Variants in DYNC1H1 observed in about 807,000 individuals in gnomAD.
DYNC1H1 encodes the protein cytoplasmic dynein 1 heavy chain 1.
DYNC1H1 carries 51 observed loss-of-function variants against 527.1 expected under a neutral mutation model. The observed-to-expected ratio is 0.10, with a 90% CI of 0.08 to 0.12. The LOEUF (loss-of-function observed/expected upper bound fraction) is 0.12, where lower values mean the gene tolerates loss of function less well. Among genes scored for constraint, DYNC1H1 ranks in the 10% least tolerant of loss-of-function variants. DYNC1H1 has a pLI of 1.00. For synonymous variants in DYNC1H1, 2,189 were observed against 2,278.8 expected (o/e 0.96, Z 1.12); for missense variants, 2,771 against 5,971.8 (o/e 0.46, Z 17.66).
intron 4 of DYNC1H1, 41 bp downstream of exon 4, chr14:101,980,015 C>G (rs369693162): frequency 1.2e-6 from 2 of 1,613,200 alleles, no homozygotes; most frequent in African/African-American, 1.3e-5. Flanking sequence ...ATATGTTACT[C>G]TTTAATATCT....
rs200893908 is a variant in DYNC1H1, at chr14:102,042,331, G to A, written c.12275+43G>A. The A allele has an allele frequency of 9.9e-5, 159 of 1,614,166 alleles. No homozygotes were observed. The highest frequency in any genetic ancestry group is 1.3e-4 in the Non-Finnish European group (149 of 1,180,028). On this transcript the variant is annotated intron_variant, in intron 67 of 77. Coordinates refer to ENST00000360184, the MANE Select transcript of DYNC1H1 (RefSeq NM_001376.5). The surrounding 1 kb of genome is among the most constrained non-coding windows in gnomAD (Gnocchi z 5.7). ...GGCTGAAGAAAGCCTTAGTCCCCAG[G>A]CATTCAGGCAGGCAGCCTGGCATGC...
At chr14:101,995,329 T>C (rs761778006) in intron 15 of DYNC1H1, 29 bp downstream of exon 15, 1 of 1,613,050 alleles carries the variant, frequency 6.2e-7, no homozygotes, top group Non-Finnish European at 8.5e-7. Context: ...TAAAAATTTT[T>C]GGCTGGGCGT....
Position 102,027,122 on chromosome 14 carries a change from G to C in DYNC1H1, c.8772-52G>C. ...GTAGACACTAGATATGAGTCAAAAG[G>C]GGAATGAGGCATTATAAGCCTTAAC... On this transcript the variant is annotated intron_variant, in intron 44 of 77. Transcript: ENST00000360184. This position sits in a 1 kb window ranked among gnomAD's most constrained non-coding sequence, Gnocchi z 7.7. The C allele has an allele frequency of 6.4e-7, 1 of 1,566,994 alleles. No homozygotes were observed. Among genetic ancestry groups the C allele is most frequent in the South Asian group, 1.1e-5 (1 of 90,100 alleles).
In DYNC1H1 at chr14:102,034,068, C is replaced by T; in HGVS notation, c.10506C>T (p.Thr3502=). 1 of 1,614,138 alleles carries T rather than the reference C, an allele frequency of 6.2e-7. No individual in the cohort carries two copies. Among genetic ancestry groups the T allele is most frequent in the South Asian group, 1.1e-5 (1 of 91,084 alleles). ...AAACTTTCAAAAACCAGATGTCCAC[C>T]ATTGCTGGGGACTGTCTCTTGTCAG... ...TSETFKNQMS[T]IAGDCLLSAA... Residue 3502 remains threonine (T), a synonymous_variant, in exon 55 of 78, where the codon ACC becomes ACT. Coordinates refer to ENST00000360184, the MANE Select transcript of DYNC1H1 (RefSeq NM_001376.5).
rs1032525916 is a variant in DYNC1H1, at chr14:102,010,614, G to A, written c.6406-126G>A. On this transcript the variant is annotated intron_variant, in intron 31 of 77. Transcript: ENST00000360184. This position sits in a 1 kb window ranked among gnomAD's most constrained non-coding sequence, Gnocchi z 6.0. ...TGTTGACCCAGTGAGTCGAGTGCACGAATGTGGGCGAGTGGTGCTCGCACC... is the reference window on the plus strand; with the variant it reads ...TGTTGACCCAGTGAGTCGAGTGCACAAATGTGGGCGAGTGGTGCTCGCACC... 102 of 1,497,842 alleles carry A rather than the reference G, an allele frequency of 6.8e-5. No homozygotes were observed. The highest frequency in any genetic ancestry group is 1.1e-4 in the African/African-American group (8 of 72,012). The allele number at this position is 1,497,842 out of a possible 1,614,324, so 92.8% of individuals were successfully genotyped here.
intron 10 of DYNC1H1, among the ~76,000 whole-genome samples, chr14:101,990,207 T>A (rs1321007696): frequency 2.0e-5 from 3 of 152,250 alleles, no homozygotes; most frequent in Non-Finnish European, 4.4e-5. Context: ...TGTAAAGCAC[T>A]GGCAGGTGGC....
chr14:102,000,923 G>C (rs1274693227), intron 18 of DYNC1H1, 31 bp from the exon 19 acceptor site: 12 of 1,580,358 alleles, frequency 7.6e-6, no homozygotes, highest in Admixed American at 1.7e-5. Flanking sequence ...ATGTTGGCAA[G>C]CTAAATAGCA....
chr14:101,987,230 G>A (rs925772430), intron 8 of DYNC1H1, among the ~76,000 whole-genome samples: 1 of 152,240 alleles, frequency 6.6e-6, no homozygotes, highest in African/African-American at 2.4e-5. Flanking sequence ...TTGAGTGGGA[G>A]TAAGGGAAGA....
intron 29 of DYNC1H1, chr14:102,009,367 G>C (rs546611198): frequency 3.8e-5 from 7 of 182,176 alleles, no homozygotes; most frequent in Middle Eastern, 5.2e-3. Flanking sequence ...TTTGTGATCA[G>C]TATTCTCTTA....
rs1270833919 is a variant in DYNC1H1, at chr14:102,053,348, G to C, written c.*2785G>C. On this transcript the variant is annotated 3_prime_UTR_variant, in exon 78 of 78. Transcript: ENST00000360184. The stretch of plus-strand genomic sequence containing the variant: ...TCACCATATTGGTCAGGCTGGTCTT[G>C]AACTCCTGACTCAGGTGATCCACCC... 1 of 151,814 alleles carries C rather than the reference G, an allele frequency of 6.6e-6. No individual in the cohort carries two copies. Among genetic ancestry groups the C allele is most frequent in the Non-Finnish European group, 1.5e-5 (1 of 68,006 alleles). The allele number at this position is 151,814 out of a possible 1,614,324, so 9.4% of individuals were successfully genotyped here. A position where few individuals can be genotyped will look rare whatever the true frequency, so the allele number is the denominator to read the frequency against.
intron 1 of DYNC1H1, among the ~76,000 whole-genome samples, chr14:101,974,268 T>G (rs1335309732): frequency 3.3e-5 from 5 of 152,038 alleles, no homozygotes; most frequent in South Asian, 4.2e-4. Context: ...CCTGGCTAAT[T>G]TTGTATTTTT....
In DYNC1H1 at chr14:102,044,779, A is replaced by G; in HGVS notation, c.13006+81A>G. 7 of 1,504,312 alleles carry G rather than the reference A, an allele frequency of 4.7e-6. No individual in the cohort carries two copies. The highest frequency in any genetic ancestry group is 6.4e-6 in the Non-Finnish European group (7 of 1,088,128). 93.2% of individuals were successfully genotyped at this position (1,504,312 alleles called of 1,614,324 possible). A position where few individuals can be genotyped will look rare whatever the true frequency, so the allele number is the denominator to read the frequency against. On this transcript the variant is annotated intron_variant, in intron 72 of 77. Coordinates refer to ENST00000360184, the MANE Select transcript of DYNC1H1 (RefSeq NM_001376.5). The surrounding 1 kb of genome is among the most constrained non-coding windows in gnomAD (Gnocchi z 7.1). ...CGGGGTGGGTGGCGAGGGTCCCCAC[A>G]CGCAGGGTGAGTGTGCACTGCTGTC...
In DYNC1H1 at chr14:102,017,537, A is replaced by G; in HGVS notation, c.8177+33A>G. The G allele has an allele frequency of 1.2e-6, 2 of 1,609,550 alleles. No homozygotes were observed. Among genetic ancestry groups the G allele is most frequent in the Non-Finnish European group, 1.7e-6 (2 of 1,179,122 alleles). On this transcript the variant is annotated intron_variant, in intron 40 of 77. Coordinates refer to ENST00000360184, the MANE Select transcript of DYNC1H1 (RefSeq NM_001376.5). The surrounding 1 kb of genome is among the most constrained non-coding windows in gnomAD (Gnocchi z 4.6). ...AGCTCGGTAGACTGCTCTGCTTCAC[A>G]CACGCACAGCTCCAGGATTGCTGTA...
At chr14:102,024,692 C>CTTT (rs541855664) in intron 43 of DYNC1H1, among the ~76,000 whole-genome samples, 4 of 109,490 alleles carry the variant, frequency 3.7e-5, no homozygotes, top group Admixed American at 9.9e-5. Flanking sequence ...TTTTTTAACT[C>CTTT]TTTTTTTTTT....
chr14:102,019,986 C>G lies in DYNC1H1; in HGVS notation c.8437C>G (p.Leu2813Val), dbSNP rs2048366759. The G allele has an allele frequency of 1.2e-6, 2 of 1,614,208 alleles. No individual in the cohort carries two copies. Among genetic ancestry groups the G allele is most frequent in the Non-Finnish European group, 1.7e-6 (2 of 1,180,042 alleles). Residue 2813 changes from leucine (L) to valine (V), a missense_variant, in exon 42 of 78, where the codon CTG (leucine) becomes GTG (valine). Transcript: ENST00000360184. ...AGGCATCTTTGAAGCGCTGAGACCT[C>G]TGGAGACCCTGCCTGTTGAAGGCCT... ...VRGIFEALRP[L>V]ETLPVEGLIR...
At chr14:102,024,783 C>T (rs2048429884) in intron 43 of DYNC1H1, among the ~76,000 whole-genome samples, 1 of 150,202 alleles carries the variant, frequency 6.7e-6, no homozygotes, top group South Asian at 2.1e-4. Flanking sequence ...CAAGCTCCGC[C>T]TCCTGGGTTC....
At chr14:101,996,115 TTTTTCTTTTC>T (rs1168213603) in intron 15 of DYNC1H1, among the ~76,000 whole-genome samples, 2 of 151,162 alleles carry the variant, frequency 1.3e-5, no homozygotes, top group Non-Finnish European at 3.0e-5. Flanking sequence ...GGCATCTAGG[TTTTTCTTTTC>T]TTTTCTTTTC....
rs1305947826 is a variant in DYNC1H1 at position 101,983,263 on chromosome 14, G to C, written c.1206G>C (p.Met402Ile). Residue 402 changes from methionine to isoleucine, a missense_variant, in exon 6 of 78, where the codon ATG becomes ATC. Met to Ile is a conservative substitution (Grantham distance 10, BLOSUM62 1). Transcript: ENST00000360184. The surrounding 1 kb of genome is among the most constrained non-coding windows in gnomAD (Gnocchi z 5.3). ...AAGTATTGGGCACTAGGAAATTGATGCATGTTGCTTATGAAGAATTTGAAA... is the reference window on the plus strand; with the variant it reads ...AAGTATTGGGCACTAGGAAATTGATCCATGTTGCTTATGAAGAATTTGAAA... Reference protein sequence around the residue: ...LLKVLGTRKLMHVAYEEFEKV... With the variant: ...LLKVLGTRKLIHVAYEEFEKV... The C allele has an allele frequency of 1.2e-6, 2 of 1,614,092 alleles. No individual in the cohort carries two copies. Among genetic ancestry groups the C allele is most frequent in the Non-Finnish European group, 1.7e-6 (2 of 1,180,062 alleles).
Position 102,044,561 on chromosome 14 carries a change from CCT to C in DYNC1H1, c.12903-33_12903-32del. On this transcript the variant is annotated intron_variant, in intron 71 of 77. Coordinates refer to ENST00000360184, the MANE Select transcript of DYNC1H1 (RefSeq NM_001376.5). The surrounding 1 kb of genome is among the most constrained non-coding windows in gnomAD (Gnocchi z 7.1). The stretch of plus-strand genomic sequence containing the variant: ...CGTCTGGTGTCACTCAGAGGTGACC[CCT>C]GACATCATTTCCAAATGCACTGGTT... 3 of 1,614,028 alleles carry C rather than the reference CCT, an allele frequency of 1.9e-6. No homozygotes were observed. The highest frequency in any genetic ancestry group is 1.1e-5 in the South Asian group (1 of 91,074).
Sources: allele counts gnomAD v4.1 joint callset (sites outside exome capture counted in the v4.1 genomes callset), GRCh38; gene constraint gnomAD v4.1.1; non-coding constraint Gnocchi (gnomAD v3.1); transcripts MANE v1.5; gene names NCBI Gene and HGNC (gene_info 2026-07-23, HGNC 2026-07-21).